SAMD3: variants seen among roughly 807,000 people sequenced by gnomAD.
SAMD3 encodes sterile alpha motif domain containing 3, also known as sterile alpha motif domain-containing protein 3.
Under a neutral mutation model 58.5 loss-of-function variants are expected in SAMD3, and 63 were observed. That is an observed-to-expected ratio of 1.08 (90% CI 0.88 to 1.33). The LOEUF is 1.33. Ranked by LOEUF, SAMD3 falls within the 40% of genes most tolerant of loss-of-function variation. The pLI is 0.00. For synonymous variants in SAMD3, 220 were observed against 210.3 expected (o/e 1.05, Z -0.40); for missense variants, 604 against 608.4 (o/e 0.99, Z 0.08).
At chr6:130,313,855 C>T (rs1171846231) in intron 1 of SAMD3, among the ~76,000 whole-genome samples, 1 of 152,212 alleles carries the variant, frequency 6.6e-6, no homozygotes, top group Non-Finnish European at 1.5e-5. Context: ...CCTGCAAGCT[C>T]ACAGTTCTGT....
At chr6:130,257,673 T>C (rs2114917874) in intron 2 of SAMD3, among the ~76,000 whole-genome samples, 1 of 152,308 alleles carries the variant, frequency 6.6e-6, no homozygotes, top group Admixed American at 6.5e-5. Context: ...AAAAATCTTA[T>C]TGACAAGCAA....
At position 130,271,588 on chromosome 6, in the gene SAMD3, T is replaced by G. The variant is rs180728799; in HGVS notation, c.-188+41390A>C. On this transcript the variant is annotated intron_variant, in intron 2 of 13. Coordinates refer to the SAMD3 transcript ENST00000368134. ...TTGTTGGTCATATGTGTTGCAAATA[T>G]GGTTTCACAGTTTTTGTTATTTGCG... is the stretch of plus-strand genomic sequence containing the variant. 2.6e-5 allele frequency among the ~76,000 whole-genome samples: 4 copies of G among 152,358 alleles called. No homozygotes were observed. In the East Asian group the frequency reaches 7.7e-4, roughly 29 times the overall value.
chr6:130,219,191 C>T (rs997943944), intron 1 of SAMD3, among the ~76,000 whole-genome samples: 1 of 152,032 alleles, frequency 6.6e-6, no homozygotes, highest in African/African-American at 2.4e-5. Context: ...TAATTTTTTT[C>T]ATACATCACG....
chr6:130,186,541 C>A (rs2114717709), intron 5 of SAMD3, among the ~76,000 whole-genome samples: 1 of 152,216 alleles, frequency 6.6e-6, no homozygotes, highest in South Asian at 2.1e-4. Flanking sequence ...CGCTGCAGCC[C>A]AATCTATTTT....
chr6:130,293,367 T>A (rs767308193), intron 2 of SAMD3, among the ~76,000 whole-genome samples: 1 of 152,200 alleles, frequency 6.6e-6, no homozygotes, highest in Non-Finnish European at 1.5e-5. Context: ...CAAGTATCCT[T>A]GACCCACAAT....
chr6:130,156,925 C>A (rs1789834369), intron 8 of SAMD3, among the ~76,000 whole-genome samples: 1 of 151,932 alleles, frequency 6.6e-6, no homozygotes, highest in Non-Finnish European at 1.5e-5. Flanking sequence ...AAAAAAGTAG[C>A]CAGGTGTGGT....
rs144494681 is a variant in SAMD3, at chr6:130,154,148, G to A, written c.1023+677C>T. Among the ~76,000 whole-genome samples the A allele has an allele frequency of 2.9e-3, 442 of 151,854 alleles. 2 individuals are homozygous for A. Among genetic ancestry groups the A allele is most frequent in the African/African-American group, 0.01 (429 of 41,468 alleles). ...TCAAAATACCCCTAAGTGATGATCC[G>A]CCACCCTCCACAATATGTCCAATGA... On this transcript the variant is annotated intron_variant, in intron 9 of 11. Transcript: ENST00000439090.
chr6:130,183,058 G>A (rs1792521716), intron 7 of SAMD3: 1 of 288,226 alleles, frequency 3.5e-6, no homozygotes, highest in South Asian at 3.4e-5. Flanking sequence ...ACATTGTTGT[G>A]CAATGAAGAC....
chr6:130,176,239 A>T (rs2114670984), intron 7 of SAMD3: 1 of 564,470 alleles, frequency 1.8e-6, no homozygotes, highest in South Asian at 1.9e-5. Flanking sequence ...AAAGTCACAG[A>T]AATATAAATC....
intron 1 of SAMD3, among the ~76,000 whole-genome samples, chr6:130,327,490 A>G (rs1262684570): frequency 6.6e-6 from 1 of 152,204 alleles, no homozygotes; most frequent in African/African-American, 2.4e-5. Context: ...GTAACTAGCA[A>G]ATTCTAAATT....
chr6:130,260,926 C>T (rs1480059982), intron 2 of SAMD3, among the ~76,000 whole-genome samples: 1 of 152,216 alleles, frequency 6.6e-6, no homozygotes, highest in Non-Finnish European at 1.5e-5. Flanking sequence ...GAAGTGTGGT[C>T]TGATGACCCA....
intron 2 of SAMD3, among the ~76,000 whole-genome samples, chr6:130,235,720 A>C (rs1274953912): frequency 1.3e-5 from 2 of 152,354 alleles, no homozygotes; most frequent in Non-Finnish European, 2.9e-5. Flanking sequence ...AAAAATGTTT[A>C]TGAAACGAGT....
chr6:130,340,349 A>G lies in SAMD3; in HGVS notation c.-304+24771T>C, dbSNP rs566767496. 3.9e-5 allele frequency among the ~76,000 whole-genome samples: 6 copies of G among 152,254 alleles called. No individual in the cohort carries two copies. In the East Asian group the frequency reaches 1.2e-3, roughly 29 times the overall value. ...TGTGGCCTCTTCAGTCTTCAAAGCC[A>G]CTAGTATAGCATCTTCGAATTTTTC... On this transcript the variant is annotated intron_variant, in intron 1 of 13. Transcript: ENST00000368134.
intron 4 of SAMD3, among the ~76,000 whole-genome samples, 179 bp downstream of exon 4, chr6:130,214,158 A>G (rs1216321099): frequency 6.6e-6 from 1 of 152,126 alleles, no homozygotes; most frequent in Non-Finnish European, 1.5e-5. Context: ...GTGAATAAAA[A>G]CGTTTCTTGA....
intron 5 of SAMD3, among the ~76,000 whole-genome samples, chr6:130,202,124 A>T (rs992865256): frequency 1.3e-5 from 2 of 152,216 alleles, no homozygotes; most frequent in Admixed American, 6.5e-5. Context: ...CTAAAGACTT[A>T]ATAATACTGT....
In SAMD3 at chr6:130,194,677, C is replaced by T. The variant is rs187229129; in HGVS notation, c.384-10054G>A. Among the ~76,000 whole-genome samples, 632 of 152,328 alleles carry T rather than the reference C, an allele frequency of 4.1e-3. 4 individuals are homozygous for T. The highest frequency in any genetic ancestry group is 0.01 in the Middle Eastern group (3 of 294). ...TCACAGCCCAGAATTCCTCCTAAGC[C>T]GCGTCCCATCTGTGCAGGACCCCAC... On this transcript the variant is annotated intron_variant, in intron 5 of 11. Transcript: ENST00000439090.
In SAMD3 at chr6:130,271,796, T is replaced by G. The variant is rs528964765; in HGVS notation, c.-188+41182A>C. Among the ~76,000 whole-genome samples, 17 of 152,274 alleles carry G rather than the reference T, an allele frequency of 1.1e-4. No individual in the cohort carries two copies. The East Asian group carries it at 3.3e-3, about 29-fold the overall frequency. On this transcript the variant is annotated intron_variant, in intron 2 of 13. Transcript: ENST00000368134. ...GAGGCCTCATATTCGTGGCAGAAGA[T>G]GAAGGAAGAGCTAACGAACATCTTA...
chr6:130,221,806 G>C (rs1796237508), intron 1 of SAMD3: 1 of 151,844 alleles, frequency 6.6e-6, no homozygotes, highest in African/African-American at 2.4e-5. Flanking sequence ...TTGTTCAAGG[G>C]TCAACTCTAT....
intron 8 of SAMD3, chr6:130,160,785 T>C (rs1790215011): frequency 6.6e-6 from 1 of 152,126 alleles, no homozygotes; most frequent in South Asian, 2.1e-4. Context: ...ACCAGGATAA[T>C]GGATTGTCAA....
Sources: gnomAD v4.1 joint callset for allele counts (sites outside exome capture counted in the v4.1 genomes callset) on GRCh38, gnomAD v4.1.1 for gene constraint, MANE v1.5 for transcripts, NCBI Gene and HGNC (gene_info 2026-07-23, HGNC 2026-07-21) for gene names.